The following WWOX variants were observed in gnomAD, a reference collection of about 807,000 sequenced individuals.
WWOX encodes the protein WW domain containing oxidoreductase.
A neutral mutation model predicts 46.2 loss-of-function variants in WWOX; 69 were observed. The observed-to-expected ratio is 1.49, with a 90% CI of 1.23 to 1.82. The LOEUF is 1.82. Among genes scored for constraint, WWOX ranks in the 40% most tolerant of loss-of-function variants. The probability of loss-of-function intolerance (pLI) is 0.00; values close to 1 mark genes in which losing one functional copy is unlikely to be tolerated. For missense variants in WWOX, 919 were observed against 542.6 expected (o/e 1.69, Z -6.89); for synonymous variants, 359 against 202.6 (o/e 1.77, Z -6.56).
intron 8 of WWOX, among the ~76,000 whole-genome samples, chr16:79,087,513 T>C (rs975348062): frequency 6.6e-6 from 1 of 151,946 alleles, no homozygotes; most frequent in African/African-American, 2.4e-5. Flanking sequence ...AACCCTGTGC[T>C]AGAACAACAA....
chr16:78,585,593 C>G (rs1198635472), intron 8 of WWOX, among the ~76,000 whole-genome samples: 1 of 152,132 alleles, frequency 6.6e-6, no homozygotes, highest in Non-Finnish European at 1.5e-5. Context: ...GACCTCTTGA[C>G]TCAGCCAGCA....
At chr16:78,726,538 T>C (rs2142369962) in intron 8 of WWOX, among the ~76,000 whole-genome samples, 1 of 150,748 alleles carries the variant, frequency 6.6e-6, no homozygotes, top group South Asian at 2.1e-4. Context: ...CCAGCCTATC[T>C]TAATTCAATA....
chr16:78,698,417 C>A (rs780727257), intron 8 of WWOX, among the ~76,000 whole-genome samples: 1 of 152,178 alleles, frequency 6.6e-6, no homozygotes, highest in Non-Finnish European at 1.5e-5. Flanking sequence ...TCATTTCATT[C>A]GCATTACAGA....
chr16:78,887,990 A>T (rs1247079438), intron 8 of WWOX, among the ~76,000 whole-genome samples: 1 of 152,232 alleles, frequency 6.6e-6, no homozygotes, highest in Non-Finnish European at 1.5e-5. Flanking sequence ...GCGACATGAC[A>T]TCCCACATTG....
chr16:79,113,996 A>G (rs1032031057), intron 8 of WWOX, among the ~76,000 whole-genome samples: 1 of 152,162 alleles, frequency 6.6e-6, no homozygotes, highest in Non-Finnish European at 1.5e-5. Context: ...ATGTGCTCGC[A>G]TGGCACATGA....
chr16:78,223,637 A>G (rs563663265), intron 5 of WWOX, among the ~76,000 whole-genome samples: 5 of 152,292 alleles, frequency 3.3e-5, no homozygotes, highest in Admixed American at 6.5e-5. Context: ...TTGGGAAGCA[A>G]GAGGATGGAG....
chr16:78,800,550 C>T (rs555258294), intron 8 of WWOX, among the ~76,000 whole-genome samples: 4 of 152,116 alleles, frequency 2.6e-5, no homozygotes, highest in Non-Finnish European at 5.9e-5. Context: ...AGCCTGCAAA[C>T]GTGAATTAAT....
chr16:78,927,956 A>C (rs1258860498), intron 8 of WWOX, among the ~76,000 whole-genome samples: 1 of 151,986 alleles, frequency 6.6e-6, no homozygotes, highest in Non-Finnish European at 1.5e-5. Flanking sequence ...CTTAAAACTG[A>C]ATAAACAATC....
intron 8 of WWOX, among the ~76,000 whole-genome samples, chr16:78,754,373 T>C (rs2049579325): frequency 6.6e-6 from 1 of 152,144 alleles, no homozygotes; most frequent in Non-Finnish European, 1.5e-5. Flanking sequence ...GTCTTATTAT[T>C]GAACTGGTGA....
intron 8 of WWOX, among the ~76,000 whole-genome samples, chr16:78,737,174 A>G (rs1463635994): frequency 1.3e-5 from 2 of 151,868 alleles, no homozygotes; most frequent in African/African-American, 4.8e-5. Context: ...ATCTCGGCTC[A>G]CTACAGCTTC....
chr16:78,542,843 C>A lies in WWOX; in HGVS notation c.1056+110091C>A, dbSNP rs112881698. On this transcript the variant is annotated intron_variant, in intron 8 of 8. Transcript: ENST00000566780. ...ATGCAGGGAAAATTGAGATGGGATT[C>A]TCAGTTAAAACCCAAACGACGGGCC... 2.8e-4 allele frequency among the ~76,000 whole-genome samples: 42 copies of A among 152,248 alleles called. 1 individual carries two copies. The highest frequency in any genetic ancestry group is 9.9e-4 in the African/African-American group (41 of 41,568).
At chr16:78,828,215 G>C (rs539130721) in intron 8 of WWOX, among the ~76,000 whole-genome samples, 1 of 152,268 alleles carries the variant, frequency 6.6e-6, no homozygotes, top group East Asian at 1.9e-4. Context: ...TCAAGACCTG[G>C]CTTCTGCTCC....
intron 8 of WWOX, among the ~76,000 whole-genome samples, chr16:78,962,137 C>G (rs2046282275): frequency 6.6e-6 from 1 of 151,852 alleles, no homozygotes; most frequent in Non-Finnish European, 1.5e-5. Flanking sequence ...GCCATCTGAA[C>G]AGGAATCTCT....
chr16:79,180,755 A>G (rs1220127753), intron 8 of WWOX, among the ~76,000 whole-genome samples: 1 of 151,312 alleles, frequency 6.6e-6, no homozygotes, highest in Non-Finnish European at 1.5e-5. Flanking sequence ...CTATTCATCT[A>G]TCCATCCATC....
intron 5 of WWOX, among the ~76,000 whole-genome samples, chr16:78,261,232 G>A (rs1187034139): frequency 4.7e-5 from 7 of 150,230 alleles, no homozygotes; most frequent in Admixed American, 4.7e-4. Context: ...TCCTGCACGT[G>A]TAGAAATGTA....
At chr16:78,711,533 G>A (rs895043059) in intron 8 of WWOX, among the ~76,000 whole-genome samples, 2 of 152,140 alleles carry the variant, frequency 1.3e-5, no homozygotes, top group African/African-American at 4.8e-5. Flanking sequence ...AGTTTGAAAG[G>A]CCAGCCGCAA....
In WWOX at chr16:78,756,651, C is replaced by G. The variant is rs141336395; in HGVS notation, c.1056+323899C>G. 2.0e-3 allele frequency among the ~76,000 whole-genome samples: 300 copies of G among 152,112 alleles called. 1 individual carries two copies. Among genetic ancestry groups the G allele is most frequent in the African/African-American group, 6.7e-3 (277 of 41,536 alleles). On this transcript the variant is annotated intron_variant, in intron 8 of 8. Coordinates refer to ENST00000566780, the MANE Select transcript of WWOX (RefSeq NM_016373.4). ...GGTAAATTCTAGCATTTTTACACTC[C>G]TTTGTTTCACCCTGTTTGTTCATTC... is the stretch of plus-strand genomic sequence containing the variant.
Position 78,401,089 on chromosome 16 carries a change from G to C in WWOX, c.605+14141G>C, listed in dbSNP as rs373725857. 9.2e-5 allele frequency among the ~76,000 whole-genome samples: 14 copies of C among 152,228 alleles called. No individual in the cohort carries two copies. In the East Asian group the frequency reaches 2.7e-3, roughly 29 times the overall value. ...CCTGCCCCTGCCTCCCAAAATACTG[G>C]GATTACAGGCATGAGCCATGTCCAG... On this transcript the variant is annotated intron_variant, in intron 6 of 8. Coordinates refer to ENST00000566780, the MANE Select transcript of WWOX (RefSeq NM_016373.4).
At chr16:78,122,869 T>C (rs569442355) in intron 4 of WWOX, among the ~76,000 whole-genome samples, 2 of 152,298 alleles carry the variant, frequency 1.3e-5, no homozygotes, top group African/African-American at 4.8e-5. Flanking sequence ...CCTCCCAAAG[T>C]GCTAGGATTA....
Sources: allele counts gnomAD v4.1 joint callset (sites outside exome capture counted in the v4.1 genomes callset), GRCh38; gene constraint gnomAD v4.1.1; transcripts MANE v1.5; gene names NCBI Gene and HGNC (gene_info 2026-07-23, HGNC 2026-07-21).